Variants in SH2D5 observed in about 807,000 individuals in gnomAD.
SH2D5 encodes the protein SH2 domain containing 5.
Under a neutral mutation model 48.2 loss-of-function variants are expected in SH2D5, and 45 were observed. The ratio of observed to expected loss-of-function variants is 0.93; its 90% confidence interval spans 0.73 to 1.20. SH2D5 has a LOEUF of 1.20. Among genes scored for constraint, SH2D5 ranks in the 50% most tolerant of loss-of-function variants. The pLI is 0.00. For missense variants in SH2D5, 538 were observed against 584.1 expected, an observed-to-expected ratio of 0.92 and a Z score of 0.81; for synonymous variants, 230 against 249.8, an observed-to-expected ratio of 0.92 and a Z score of 0.75.
chr1:20,721,973 C>T lies in SH2D5; in HGVS notation c.1091G>A (p.Ser364Asn). 1 of 1,612,924 alleles carries T rather than the reference C, an allele frequency of 6.2e-7. No individual in the cohort carries two copies. The highest frequency in any genetic ancestry group is 8.5e-7 in the Non-Finnish European group (1 of 1,179,874). ...CLEHLPAEFP[S>N]LEALVENHAV... ...GTGGTTCTCCACCAGAGCCTCCAGG[C>T]TGGGGAACTCTGCCGGCAGGTGCTA... The change falls in exon 10 of 10, where the codon AGC becomes AAC. Residue 364 changes from serine to asparagine, a missense_variant. By Grantham distance (46) the Ser-to-Asn change is conservative. Transcript: ENST00000444387.
At chr1:20,727,725 G>A in intron 2 of SH2D5, 122 bp from the exon 3 acceptor site, 2 of 1,040,562 alleles carry the variant, frequency 1.9e-6, no homozygotes, top group Non-Finnish European at 2.8e-6. Context: ...GACAGACAGA[G>A]CTCGATTCTC....
chr1:20,721,636 G>C lies in SH2D5; in HGVS notation c.*156C>G, dbSNP rs1476656972. 1.4e-5 allele frequency: 9 copies of C among 651,984 alleles called. No individual in the cohort carries two copies. The highest frequency in any genetic ancestry group is 2.2e-5 in the Non-Finnish European group (9 of 408,342). 40.4% of individuals were successfully genotyped at this position (651,984 alleles called of 1,614,324 possible). ...GCCATTGGCGATACCCACCCTCAGG[G>C]CTCCCCTCCCACGGACAGTGACGCG... On this transcript the variant is annotated 3_prime_UTR_variant, in exon 10 of 10. Transcript: ENST00000444387.
At chr1:20,725,682 C>T (rs1175116636) in intron 5 of SH2D5, among the ~76,000 whole-genome samples, 1 of 152,218 alleles carries the variant, frequency 6.6e-6, no homozygotes, top group Non-Finnish European at 1.5e-5. Context: ...GTGTGACTCT[C>T]CACTCTCTAA....
chr1:20,722,046 C>T (rs1319305372), intron 9 of SH2D5, 51 bp from the exon 10 acceptor site: 1 of 1,549,276 alleles, frequency 6.5e-7, no homozygotes, highest in African/African-American at 1.4e-5. Flanking sequence ...GGGCTCACGC[C>T]AGGCACCAGC....
chr1:20,727,689 C>A, intron 2 of SH2D5, 86 bp from the exon 3 acceptor site: 1 of 1,243,212 alleles, frequency 8.0e-7, no homozygotes, highest in Non-Finnish European at 1.1e-6. Context: ...CCCAAACACA[C>A]ATCTGCTCTG....
Position 20,721,756 on chromosome 1 carries a change from G to A in SH2D5, c.*36C>T. 3 of 1,469,798 alleles carry A rather than the reference G, an allele frequency of 2.0e-6. No homozygotes were observed. The highest frequency in any genetic ancestry group is 2.7e-6 in the Non-Finnish European group (3 of 1,103,674). The allele number at this position is 1,469,798 out of a possible 1,614,324, so 91.0% of individuals were successfully genotyped here. A position where few individuals can be genotyped will look rare whatever the true frequency, so the allele number is the denominator to read the frequency against. ...GATGCTGCTGGGGCCCAGGAGCCGGGGTGAGGCGGGGCCTGTGGGACCGGG... is the reference window on the plus strand; with the variant it reads ...GATGCTGCTGGGGCCCAGGAGCCGGAGTGAGGCGGGGCCTGTGGGACCGGG... On this transcript the variant is annotated 3_prime_UTR_variant, in exon 10 of 10. Coordinates refer to ENST00000444387, the MANE Select transcript of SH2D5 (RefSeq NM_001103161.2).
chr1:20,731,881 A>G (rs1355484132), intron 1 of SH2D5, among the ~76,000 whole-genome samples: 1 of 152,018 alleles, frequency 6.6e-6, no homozygotes, highest in Non-Finnish European at 1.5e-5. Flanking sequence ...AGGAGGCTAC[A>G]GTGGCAGGGA....
chr1:20,722,133 C>A, intron 9 of SH2D5, 138 bp from the exon 10 acceptor site: 1 of 717,340 alleles, frequency 1.4e-6, no homozygotes, highest in Non-Finnish European at 2.3e-6. Context: ...GCTATCGTGG[C>A]AGAGCCAAAC....
intron 4 of SH2D5, 142 bp downstream of exon 4, chr1:20,726,859 A>T: frequency 1.6e-6 from 1 of 617,708 alleles, no homozygotes; most frequent in Non-Finnish European, 2.7e-6. Flanking sequence ...GGCCCAGAGC[A>T]GGTAGGCTGG....
chr1:20,727,184 T>A, intron 3 of SH2D5, 109 bp from the exon 4 acceptor site: 1 of 898,260 alleles, frequency 1.1e-6, no homozygotes, highest in Non-Finnish European at 1.7e-6. Context: ...CCACCACCCC[T>A]GGCAGGGGGT....
At chr1:20,727,871 C>CT in intron 2 of SH2D5, 87 bp downstream of exon 2, 1 of 1,116,770 alleles carries the variant, frequency 9.0e-7, no homozygotes, top group Non-Finnish European at 1.3e-6. Flanking sequence ...GAAATAGGTC[C>CT]TAGGCCCGCA....
At position 20,721,618 on chromosome 1, in the gene SH2D5, G is replaced by T; in HGVS notation, c.*174C>A. 1.7e-6 allele frequency: 1 copy of T among 573,946 alleles called. No individual in the cohort carries two copies. The allele number at this position is 573,946 out of a possible 1,614,324, so 35.6% of individuals were successfully genotyped here. A position where few individuals can be genotyped will look rare whatever the true frequency, so the allele number is the denominator to read the frequency against. On this transcript the variant is annotated 3_prime_UTR_variant, in exon 10 of 10. Transcript: ENST00000444387. ...CCACATGTTCTCCAAGAAGCCATTG[G>T]CGATACCCACCCTCAGGGCTCCCCT...
intron 4 of SH2D5, 26 bp downstream of exon 4, chr1:20,726,954 ACACCTGTACCCCTCCAGTCCT>A: frequency 3.4e-6 from 5 of 1,488,476 alleles, no homozygotes; most frequent in Non-Finnish European, 4.6e-6. Context: ...GAGGGTGGAG[ACACCTGTACCCCTCCAGTCCT>A]CACCTGCACC....
chr1:20,723,867 G>T, intron 7 of SH2D5, 133 bp from the exon 8 acceptor site: 1 of 974,408 alleles, frequency 1.0e-6, no homozygotes, highest in Non-Finnish European at 1.5e-6. Context: ...TCTGCACACG[G>T]GCCTTCCGCC....
At position 20,723,645 on chromosome 1, in the gene SH2D5, C is replaced by T. The variant is rs2054732426; in HGVS notation, c.889G>A (p.Ala297Thr). ...SEGSLTENIW[A>T]FAGISRPCAL... is the part of the protein sequence containing the mutation. The stretch of plus-strand genomic sequence containing the variant: ...TCCTACCTGGAGATGCCAGCGAAGG[C>T]CCAGATGTTCTCCGTCAGGCTGCCC... The change falls in exon 8 of 10, where the codon GCC (alanine) becomes ACC (threonine). Residue 297 changes from alanine (A) to threonine (T), a missense_variant. By Grantham distance (58) the Ala-to-Thr change is moderately conservative. Transcript: ENST00000444387. 2 of 1,612,868 alleles carry T rather than the reference C, an allele frequency of 1.2e-6. No individual in the cohort carries two copies. The highest frequency in any genetic ancestry group is 4.5e-5 in the East Asian group (2 of 44,856).
intron 7 of SH2D5, 40 bp from the exon 8 acceptor site, chr1:20,723,774 G>T: frequency 6.5e-7 from 1 of 1,530,768 alleles, no homozygotes; most frequent in Non-Finnish European, 9.0e-7. Context: ...GAGTGGCCGA[G>T]CCCTCCCATT....
intron 4 of SH2D5, 73 bp downstream of exon 4, chr1:20,726,928 G>T: frequency 1.5e-6 from 2 of 1,319,106 alleles, no homozygotes; most frequent in Admixed American, 2.2e-5. Context: ...GACCTAGGCA[G>T]AGGAGAGCGC....
chr1:20,728,078 G>GA lies in SH2D5; in HGVS notation c.-35dup, dbSNP rs760211631. 6.8e-7 allele frequency: 1 copy of GA among 1,467,394 alleles called. No individual in the cohort carries two copies. Among genetic ancestry groups the GA allele is most frequent in the South Asian group, 1.2e-5 (1 of 82,572 alleles). 90.9% of individuals were successfully genotyped at this position (1,467,394 alleles called of 1,614,324 possible). A position where few individuals can be genotyped will look rare whatever the true frequency, so the allele number is the denominator to read the frequency against. ...GGGTGCCTGGCTTCCAGCTCCACGG[G>GA]AGGGGAGGCTGCAAAGGGCAGGGGG... On this transcript the variant is annotated 5_prime_UTR_variant, in exon 2 of 10. Transcript: ENST00000444387. This position sits in a 1 kb window ranked among gnomAD's most constrained non-coding sequence, Gnocchi z 4.3.
At chr1:20,726,767 A>G (rs1240339119) in intron 4 of SH2D5, among the ~76,000 whole-genome samples, 1 of 152,066 alleles carries the variant, frequency 6.6e-6, no homozygotes, top group African/African-American at 2.4e-5. Flanking sequence ...AGGTGGCCCC[A>G]GAGGGATTCT....
Sources: allele counts gnomAD v4.1 joint callset (sites outside exome capture counted in the v4.1 genomes callset), GRCh38; gene constraint gnomAD v4.1.1; non-coding constraint Gnocchi (gnomAD v3.1); transcripts MANE v1.5; gene names NCBI Gene and HGNC (gene_info 2026-07-23, HGNC 2026-07-21).